IMMT: variants seen among roughly 807,000 people sequenced by gnomAD.
IMMT encodes inner membrane mitochondrial protein.
A neutral mutation model predicts 92.7 loss-of-function variants in IMMT; 40 were observed. The ratio of observed to expected loss-of-function variants is 0.43; its 90% confidence interval spans 0.34 to 0.56. The LOEUF is 0.56. Ranked by LOEUF, IMMT falls within the 20% of genes least tolerant of loss-of-function variation. The pLI, the probability that IMMT is intolerant of heterozygous loss-of-function variation, is 0.03. For synonymous variants in IMMT, 322 were observed against 336.1 expected (o/e 0.96, Z 0.46); for missense variants, 831 against 912.1 (o/e 0.91, Z 1.14).
chr2:86,145,116 C>T (rs1251995665), intron 14 of IMMT, among the ~76,000 whole-genome samples: 1 of 151,976 alleles, frequency 6.6e-6, no homozygotes, highest in African/African-American at 2.4e-5. Flanking sequence ...CATATTTTTA[C>T]CTTTACTAGT....
At chr2:86,174,952 A>G (rs778182958) in intron 3 of IMMT, among the ~76,000 whole-genome samples, 5 of 152,188 alleles carry the variant, frequency 3.3e-5, no homozygotes, top group Non-Finnish European at 7.3e-5. Context: ...CCGTAGTGTA[A>G]TATCTATGGG....
chr2:86,148,444 TAAA>T (rs1359461595), intron 12 of IMMT, among the ~76,000 whole-genome samples: 1 of 150,924 alleles, frequency 6.6e-6, no homozygotes, highest in Non-Finnish European at 1.5e-5. Flanking sequence ...CCATCTCTAC[TAAA>T]AATACAAAAA....
chr2:86,145,202 G>A (rs1674904313), intron 14 of IMMT, among the ~76,000 whole-genome samples: 1 of 152,078 alleles, frequency 6.6e-6, no homozygotes, highest in African/African-American at 2.4e-5. Flanking sequence ...CAAAGAAATG[G>A]GAGACTTCAG....
intron 10 of IMMT, 99 bp from the exon 11 acceptor site, chr2:86,153,673 C>T (rs183594078): frequency 5.6e-5 from 37 of 659,942 alleles, no homozygotes; most frequent in East Asian, 1.3e-4. Context: ...AAGAAGGAAT[C>T]GGAGACTAGT....
chr2:86,193,800 A>C (rs561228024), intron 1 of IMMT, among the ~76,000 whole-genome samples: 2 of 152,238 alleles, frequency 1.3e-5, no homozygotes, highest in Non-Finnish European at 2.9e-5. Flanking sequence ...ATCTTGATTC[A>C]GAGCTATAAA....
At chr2:86,158,032 A>G (rs1675985868) in intron 10 of IMMT, among the ~76,000 whole-genome samples, 1 of 152,202 alleles carries the variant, frequency 6.6e-6, no homozygotes, top group African/African-American at 2.4e-5. Flanking sequence ...CTTCAGGGAA[A>G]TGTGACTATA....
At chr2:86,157,822 C>T (rs1052513286) in intron 10 of IMMT, among the ~76,000 whole-genome samples, 1 of 127,188 alleles carries the variant, frequency 7.9e-6, no homozygotes, top group African/African-American at 2.9e-5. Context: ...AAAAAAGGTA[C>T]AAAAAATTAG....
chr2:86,195,288 A>T, intron 1 of IMMT, 50 bp downstream of exon 1: 1 of 1,464,376 alleles, frequency 6.8e-7, no homozygotes, highest in Non-Finnish European at 9.1e-7. Flanking sequence ...TTTTTCGCTG[A>T]CGGTTCTAGT....
chr2:86,170,163 C>T (rs1676981425), intron 6 of IMMT, among the ~76,000 whole-genome samples: 1 of 152,104 alleles, frequency 6.6e-6, no homozygotes. Flanking sequence ...GCCTGTAATC[C>T]CAGCACTTTG....
At position 86,173,752 on chromosome 2, in the gene IMMT, C is replaced by A. The variant is rs376275324; in HGVS notation, c.319G>T (p.Gly107Cys). The A allele has an allele frequency of 1.3e-6, 2 of 1,556,288 alleles. No homozygotes were observed. The highest frequency in any genetic ancestry group is 2.2e-5 in the East Asian group (1 of 44,454). The change falls in exon 4 of 15, where the codon GGT becomes TGT. Residue 107 changes from glycine to cysteine, a missense_variant. By Grantham distance (159) the Gly-to-Cys change is radical (BLOSUM62 -3). Transcript: ENST00000410111. The part of the protein sequence containing the change: ...VPLPKKSIQS[G>C]PLKISSVSEV... ...GATACACTAGAGATTTTTAGTGGAC[C>A]CGACTGAATCTTGGAAATAAAAAAC...
chr2:86,177,524 C>T (rs1677511005), intron 3 of IMMT, among the ~76,000 whole-genome samples: 1 of 151,820 alleles, frequency 6.6e-6, no homozygotes, highest in Non-Finnish European at 1.5e-5. Context: ...TTGCCAGAAC[C>T]CAGGAGGCAG....
At chr2:86,185,477 G>C (rs1345050947) in intron 1 of IMMT, among the ~76,000 whole-genome samples, 1 of 152,076 alleles carries the variant, frequency 6.6e-6, no homozygotes, top group Non-Finnish European at 1.5e-5. Flanking sequence ...CCCTCAGAGA[G>C]TCTTTTTACC....
At chr2:86,189,273 C>T (rs2105634144) in intron 1 of IMMT, among the ~76,000 whole-genome samples, 1 of 151,880 alleles carries the variant, frequency 6.6e-6, no homozygotes, top group South Asian at 2.1e-4. Flanking sequence ...CTCGCTGTGA[C>T]ACCCAGGCTG....
At chr2:86,189,214 G>A (rs995203296) in intron 1 of IMMT, among the ~76,000 whole-genome samples, 1 of 151,990 alleles carries the variant, frequency 6.6e-6, no homozygotes, top group Non-Finnish European at 1.5e-5. Context: ...AAAAAAAAGA[G>A]GAAACATATA....
At chr2:86,145,515 AAAAGAAAT>A (rs1183826678) in intron 14 of IMMT, among the ~76,000 whole-genome samples, 5 of 150,312 alleles carry the variant, frequency 3.3e-5, no homozygotes, top group African/African-American at 1.2e-4. Flanking sequence ...AAAAAAAAAA[AAAAGAAAT>A]GGGAGACTTC....
chr2:86,194,315 A>G (rs1369784344), intron 1 of IMMT, among the ~76,000 whole-genome samples: 2 of 152,244 alleles, frequency 1.3e-5, no homozygotes, highest in East Asian at 1.9e-4. Context: ...AAGGTCATTC[A>G]TGGGTGTTGT....
intron 12 of IMMT, among the ~76,000 whole-genome samples, chr2:86,150,173 T>C (rs577276028): frequency 2.6e-5 from 4 of 152,264 alleles, no homozygotes; most frequent in African/African-American, 9.6e-5. Context: ...ATGATAAGCA[T>C]GAAATGACTA....
At chr2:86,163,358 G>A (rs1189691097) in intron 7 of IMMT, among the ~76,000 whole-genome samples, 2 of 152,036 alleles carry the variant, frequency 1.3e-5, no homozygotes, top group African/African-American at 4.8e-5. Context: ...AGATCTAGTG[G>A]TAGAACTAAT....
At chr2:86,172,465 C>G (rs775396539) in intron 4 of IMMT, among the ~76,000 whole-genome samples, 16 of 152,202 alleles carry the variant, frequency 1.1e-4, no homozygotes, top group Non-Finnish European at 2.4e-4. Flanking sequence ...CTCCCGAGTG[C>G]TGGGACTGCA....
Sources: allele counts gnomAD v4.1 joint callset (sites outside exome capture counted in the v4.1 genomes callset), GRCh38; gene constraint gnomAD v4.1.1; transcripts MANE v1.5; gene names NCBI Gene and HGNC (gene_info 2026-07-23, HGNC 2026-07-21).